Variants in KCNH5 observed in about 807,000 individuals in gnomAD.
The protein encoded by KCNH5 is voltage-gated delayed rectifier potassium channel KCNH5.
A neutral mutation model predicts 96.1 loss-of-function variants in KCNH5; 46 were observed. The observed-to-expected ratio is 0.48, with a 90% confidence interval of 0.38 to 0.61. The LOEUF is 0.61. Ranked by LOEUF, KCNH5 falls within the 20% of genes least tolerant of loss-of-function variation. The pLI is 0.00. For missense variants in KCNH5, 907 were observed against 1,225.8 expected (o/e 0.74, Z 3.88); for synonymous variants, 439 against 449.8 (o/e 0.98, Z 0.30).
At chr14:62,772,428 C>T (rs912835232) in intron 10 of KCNH5, among the ~76,000 whole-genome samples, 3 of 151,860 alleles carry the variant, frequency 2.0e-5, no homozygotes. Context: ...CACCTGAGGT[C>T]GAGTTTGGGA....
At chr14:62,825,372 C>T (rs552111857) in intron 8 of KCNH5, among the ~76,000 whole-genome samples, 25 of 152,128 alleles carry the variant, frequency 1.6e-4, no homozygotes, top group Non-Finnish European at 3.4e-4. Flanking sequence ...ATTTGCATTT[C>T]TCTGATGATA....
chr14:62,783,108 AT>A (rs1215440331), intron 9 of KCNH5, among the ~76,000 whole-genome samples: 1 of 152,206 alleles, frequency 6.6e-6, no homozygotes, highest in Non-Finnish European at 1.5e-5. Context: ...CATGGAGGTT[AT>A]ATAAGGTTAT....
chr14:62,712,346 G>A (rs1481392811), intron 10 of KCNH5: 2 of 326,060 alleles, frequency 6.1e-6, no homozygotes, highest in Non-Finnish European at 1.1e-5. Context: ...TAGCAAAGTG[G>A]TCACTTCCAC....
intron 8 of KCNH5, among the ~76,000 whole-genome samples, chr14:62,811,776 T>A (rs947582039): frequency 6.6e-6 from 1 of 152,128 alleles, no homozygotes; most frequent in South Asian, 2.1e-4. Flanking sequence ...AGAATTATGC[T>A]GACAGAAGCT....
chr14:62,977,111 C>T (rs868365772), intron 6 of KCNH5, among the ~76,000 whole-genome samples: 1 of 152,152 alleles, frequency 6.6e-6, no homozygotes, highest in South Asian at 2.1e-4. Context: ...TTGCTCACGC[C>T]TGTAATCCCA....
intron 10 of KCNH5, among the ~76,000 whole-genome samples, chr14:62,747,653 C>T (rs540821732): frequency 6.6e-6 from 1 of 152,306 alleles, no homozygotes; most frequent in East Asian, 1.9e-4. Flanking sequence ...TGCAGCAAAA[C>T]AGTACAGAAG....
chr14:62,775,689 G>T (rs1886080883), intron 10 of KCNH5, among the ~76,000 whole-genome samples: 1 of 152,108 alleles, frequency 6.6e-6, no homozygotes, highest in Admixed American at 6.5e-5. Flanking sequence ...GAATAGATTT[G>T]CTTTCTAATA....
intron 6 of KCNH5, among the ~76,000 whole-genome samples, chr14:62,978,205 C>G (rs928120402): frequency 6.6e-6 from 1 of 152,146 alleles, no homozygotes; most frequent in Non-Finnish European, 1.5e-5. Context: ...AGTGTAAATA[C>G]GCCCACTGTG....
intron 6 of KCNH5, among the ~76,000 whole-genome samples, chr14:62,973,577 T>G (rs1229041433): frequency 6.6e-6 from 1 of 152,174 alleles, no homozygotes; most frequent in Non-Finnish European, 1.5e-5. Context: ...GGACACCACA[T>G]GCCAGTGCCT....
intron 8 of KCNH5, among the ~76,000 whole-genome samples, chr14:62,841,678 C>A (rs546469114): frequency 6.6e-6 from 1 of 152,340 alleles, no homozygotes; most frequent in African/African-American, 2.4e-5. Flanking sequence ...AGTTTATAAC[C>A]TGTAAAGGAT....
chr14:62,866,429 T>C (rs945624771), intron 7 of KCNH5, among the ~76,000 whole-genome samples: 1 of 152,212 alleles, frequency 6.6e-6, no homozygotes, highest in Admixed American at 6.5e-5. Context: ...CTAGCAACAC[T>C]TGGTACCAAA....
intron 10 of KCNH5, among the ~76,000 whole-genome samples, chr14:62,717,748 T>C (rs1200353694): frequency 6.6e-6 from 1 of 152,218 alleles, no homozygotes. Context: ...GTTTCGTAGA[T>C]AGGTACGTAA....
intron 2 of KCNH5, among the ~76,000 whole-genome samples, chr14:63,008,671 T>G (rs924181940): frequency 2.6e-5 from 4 of 151,954 alleles, no homozygotes; most frequent in African/African-American, 9.7e-5. Flanking sequence ...CAGAATAAAA[T>G]GACAGACTCT....
chr14:62,845,428 G>T (rs1887671117), intron 8 of KCNH5, among the ~76,000 whole-genome samples: 1 of 152,086 alleles, frequency 6.6e-6, no homozygotes, highest in African/African-American at 2.4e-5. Context: ...GATAATTGAT[G>T]ATTGATATAA....
At position 62,779,727 on chromosome 14, in the gene KCNH5, C is replaced by T; in HGVS notation, c.2019+1G>A. The T allele has an allele frequency of 6.2e-7, 1 of 1,611,136 alleles. No homozygotes were observed. Among genetic ancestry groups the T allele is most frequent in the Non-Finnish European group, 8.5e-7 (1 of 1,178,212 alleles). On this transcript the variant is annotated splice_donor_variant, in intron 10 of 10. Coordinates refer to ENST00000322893, the MANE Select transcript of KCNH5 (RefSeq NM_139318.5). LOFTEE classifies it high-confidence loss of function. ...AGAAAAAGCAGACCCAGAGAACATA[C>T]CCGTTTCCTCAGATTGCAAGTAAGA... is the stretch of plus-strand genomic sequence containing the variant.
intron 7 of KCNH5, among the ~76,000 whole-genome samples, chr14:62,892,044 G>T (rs1302352137): frequency 6.6e-6 from 1 of 152,134 alleles, no homozygotes; most frequent in Non-Finnish European, 1.5e-5. Flanking sequence ...GAAAGGAAGA[G>T]TCCCACATCT....
intron 7 of KCNH5, among the ~76,000 whole-genome samples, chr14:62,931,030 C>T (rs1401698590): frequency 2.0e-5 from 3 of 152,000 alleles, no homozygotes; most frequent in African/African-American, 7.2e-5. Flanking sequence ...AGATACCTGC[C>T]GGAGATGGGC....
intron 7 of KCNH5, among the ~76,000 whole-genome samples, chr14:62,867,680 A>G (rs1303440611): frequency 6.6e-6 from 1 of 152,078 alleles, no homozygotes; most frequent in Non-Finnish European, 1.5e-5. Context: ...GGCTCTTATC[A>G]CAAGTAGAAT....
Position 62,707,447 on chromosome 14 carries a change from T to A in KCNH5, c.*61A>T. The A allele has an allele frequency of 1.4e-6, 1 of 719,778 alleles. No individual in the cohort carries two copies. The highest frequency in any genetic ancestry group is 2.0e-6 in the Non-Finnish European group (1 of 502,588). 44.6% of individuals were successfully genotyped at this position (719,778 alleles called of 1,614,324 possible). On this transcript the variant is annotated 3_prime_UTR_variant, in exon 11 of 11. Coordinates refer to ENST00000322893, the MANE Select transcript of KCNH5 (RefSeq NM_139318.5). Reference sequence around the variant, plus strand: ...AGTGAAAATATATATATGTATATACTGTATATACACACATATGTATATACT... The same window carrying A: ...AGTGAAAATATATATATGTATATACAGTATATACACACATATGTATATACT...
Sources: allele counts gnomAD v4.1 joint callset (sites outside exome capture counted in the v4.1 genomes callset), GRCh38; gene constraint gnomAD v4.1.1; transcripts MANE v1.5; gene names NCBI Gene and HGNC (gene_info 2026-07-23, HGNC 2026-07-21).